ATG2B: variants seen among roughly 807,000 people sequenced by gnomAD.
ATG2B encodes the protein autophagy related 2B.
In ATG2B, 121 loss-of-function variants were observed where a neutral mutation model predicts 241.3. The observed-to-expected ratio is 0.50, with a 90% CI of 0.43 to 0.58. The LOEUF is 0.58. Ranked by LOEUF, ATG2B falls within the 20% of genes least tolerant of loss-of-function variation. ATG2B has a pLI of 0.00. For synonymous variants in ATG2B, 858 were observed against 876.6 expected, an observed-to-expected ratio of 0.98 and a Z score of 0.37; for missense variants, 2,306 against 2,491.6, an observed-to-expected ratio of 0.93 and a Z score of 1.59.
intron 41 of ATG2B, among the ~76,000 whole-genome samples, chr14:96,287,237 G>A (rs530935019): frequency 8.7e-5 from 11 of 126,946 alleles, no homozygotes; most frequent in Non-Finnish European, 1.3e-4. Flanking sequence ...CTGGGCAACA[G>A]AGCGAGACTC....
chr14:96,344,778 C>A, intron 3 of ATG2B, 22 bp from the exon 4 acceptor site: 1 of 1,208,980 alleles, frequency 8.3e-7, no homozygotes, highest in South Asian at 1.5e-5. Flanking sequence ...AAGTAATTGT[C>A]AACGTAAGAG....
intron 29 of ATG2B, among the ~76,000 whole-genome samples, chr14:96,308,134 C>G (rs1256718828): frequency 6.9e-6 from 1 of 144,072 alleles, no homozygotes; most frequent in African/African-American, 2.6e-5. Context: ...ATTAAGGTAG[C>G]TGCATATATA....
At chr14:96,300,080 A>G (rs1328927993) in intron 34 of ATG2B, among the ~76,000 whole-genome samples, 1 of 152,212 alleles carries the variant, frequency 6.6e-6, no homozygotes. Context: ...TTTATGTCTT[A>G]ATGAATTATT....
chr14:96,357,846 T>C (rs982506460), intron 1 of ATG2B, among the ~76,000 whole-genome samples: 1 of 152,236 alleles, frequency 6.6e-6, no homozygotes, highest in Non-Finnish European at 1.5e-5. Context: ...AGAGATGGGA[T>C]TAAGCTCTAT....
intron 2 of ATG2B, among the ~76,000 whole-genome samples, chr14:96,346,951 T>C (rs548597522): frequency 6.6e-6 from 1 of 152,324 alleles, no homozygotes; most frequent in Non-Finnish European, 1.5e-5. Flanking sequence ...TAACAAATAA[T>C]TAAATAAACC....
intron 1 of ATG2B, among the ~76,000 whole-genome samples, chr14:96,353,141 G>A (rs1888377655): frequency 1.3e-5 from 2 of 152,108 alleles, no homozygotes; most frequent in African/African-American, 4.8e-5. Flanking sequence ...GGAGCAATAG[G>A]CTGTACCCTA....
At position 96,290,849 on chromosome 14, in the gene ATG2B, C is replaced by T; in HGVS notation, c.5666G>A (p.Gly1889Glu). 6.2e-7 allele frequency: 1 copy of T among 1,613,902 alleles called. No individual in the cohort carries two copies. Among genetic ancestry groups the T allele is most frequent in the Non-Finnish European group, 8.5e-7 (1 of 1,179,884 alleles). ...IKKNQLPGIL[G>E]GVGPMHSLVQ... is the part of the protein sequence containing the mutation. ...TAGTGAATGCATAGGTCCAACACCT[C>T]CCAGGATTCCTGGTAGCTGGTTCTT... The change falls in exon 39 of 42, where the codon GGA becomes GAA. Residue 1889 changes from glycine to glutamate, a missense_variant. Physicochemically the swap from Gly to Glu is moderately conservative, Grantham distance 98. Around this residue, in one of 2 missense-constraint regions of ATG2B, gnomAD observed 379 missense variants for 480.4 expected, o/e 0.79. Coordinates refer to ENST00000359933, the MANE Select transcript of ATG2B (RefSeq NM_018036.7). This position sits in a 1 kb window ranked among gnomAD's most constrained non-coding sequence, Gnocchi z 4.4.
At chr14:96,295,962 CTT>C (rs1056361955) in intron 34 of ATG2B, among the ~76,000 whole-genome samples, 1 of 150,418 alleles carries the variant, frequency 6.6e-6, no homozygotes, top group Non-Finnish European at 1.5e-5. Flanking sequence ...GTGCTGGACA[CTT>C]TTTTTTTTGA....
intron 38 of ATG2B, among the ~76,000 whole-genome samples, chr14:96,291,245 A>G (rs1886476308): frequency 6.6e-6 from 1 of 152,162 alleles, no homozygotes; most frequent in Non-Finnish European, 1.5e-5. Flanking sequence ...CAATGTTCTT[A>G]TTTCTTGAAC....
At position 96,317,809 on chromosome 14, in the gene ATG2B, C is replaced by T. The variant is rs952124097; in HGVS notation, c.2926G>A (p.Val976Met). 22 of 1,612,498 alleles carry T rather than the reference C, an allele frequency of 1.4e-5. No homozygotes were observed. In the Admixed American group the frequency reaches 3.7e-4, roughly 27 times the overall value. The change falls in exon 19 of 42, where the codon GTG (valine) becomes ATG (methionine). Residue 976 changes from valine (V) to methionine (M), a missense_variant. Val to Met is a conservative substitution (Grantham distance 21). Coordinates refer to ENST00000359933, the MANE Select transcript of ATG2B (RefSeq NM_018036.7). ...TAGGAAATATTCTCGAATGTCTCCA[C>T]TGGTGAAGGAGCTGTTGGTTCCCAC... ...LLWEPTAPSP[V>M]ETFENISYGI...
intron 33 of ATG2B, 99 bp from the exon 34 acceptor site, chr14:96,302,207 C>T (rs61985181): frequency 0.019 from 13,552 of 715,016 alleles, 148 homozygotes; most frequent in Non-Finnish European, 0.025. Flanking sequence ...TATTCCTATA[C>T]CATATGAGAA....
intron 30 of ATG2B, among the ~76,000 whole-genome samples, chr14:96,306,400 C>T (rs368764257): frequency 1.3e-5 from 2 of 152,176 alleles, no homozygotes; most frequent in Non-Finnish European, 1.5e-5. Flanking sequence ...GATTCTTGGA[C>T]TAGCAATTCT....
At chr14:96,299,547 G>A (rs566935555) in intron 34 of ATG2B, among the ~76,000 whole-genome samples, 5 of 152,274 alleles carry the variant, frequency 3.3e-5, no homozygotes, top group African/African-American at 1.2e-4. Context: ...ACGCTTTCCC[G>A]GCAGAGTTCC....
intron 14 of ATG2B, 62 bp downstream of exon 14, chr14:96,328,285 T>C (rs879436837): frequency 5.2e-5 from 60 of 1,154,428 alleles, no homozygotes; most frequent in Non-Finnish European, 7.0e-5. Context: ...TCAGAAATTA[T>C]CTCAATAACC....
At chr14:96,328,645 G>A (rs372930748) in intron 13 of ATG2B, 29 bp downstream of exon 13, 171 of 1,569,320 alleles carry the variant, frequency 1.1e-4, no homozygotes, top group Non-Finnish European at 1.4e-4. Flanking sequence ...AAAATTTACA[G>A]GTGGCAATTA....
intron 34 of ATG2B, among the ~76,000 whole-genome samples, chr14:96,300,490 G>A (rs929447263): frequency 2.6e-5 from 4 of 152,158 alleles, no homozygotes; most frequent in Non-Finnish European, 4.4e-5. Flanking sequence ...CTACACTCCA[G>A]CCTGGGTGAC....
chr14:96,299,153 T>C (rs545235861), intron 34 of ATG2B, among the ~76,000 whole-genome samples: 1 of 152,244 alleles, frequency 6.6e-6, no homozygotes, highest in East Asian at 1.9e-4. Context: ...TTATCTTCCT[T>C]AGCAGAATGG....
intron 1 of ATG2B, among the ~76,000 whole-genome samples, chr14:96,359,940 C>T (rs886587163): frequency 5.9e-5 from 9 of 152,194 alleles, no homozygotes; most frequent in African/African-American, 2.2e-4. Flanking sequence ...CTTCAAGCCA[C>T]ATATCAAACT....
rs115024303 is a variant in ATG2B at position 96,303,365 on chromosome 14, C to T, written c.4843-110G>A. On this transcript the variant is annotated intron_variant, in intron 32 of 41. Transcript: ENST00000359933. ...CACTCATTTTTCCTCTGAATTCTAC[C>T]TCAGCTTACAATTCCACCTTCAAAA... 946 of 863,714 alleles carry T rather than the reference C, an allele frequency of 1.1e-3. 8 individuals carry two copies. The African/African-American group carries it at 0.015, about 13-fold the overall frequency. 53.5% of individuals were successfully genotyped at this position (863,714 alleles called of 1,614,324 possible). A position where few individuals can be genotyped will look rare whatever the true frequency, so the allele number is the denominator to read the frequency against.
Sources: gnomAD v4.1 joint callset for allele counts (sites outside exome capture counted in the v4.1 genomes callset) on GRCh38, gnomAD v4.1.1 for gene constraint, gnomAD v4.1.1 regional missense constraint, Gnocchi (gnomAD v3.1) non-coding constraint, MANE v1.5 for transcripts, NCBI Gene and HGNC (gene_info 2026-07-23, HGNC 2026-07-21) for gene names.